EDN1: variants seen among roughly 807,000 people sequenced by gnomAD.
EDN1 encodes endothelin 1.
A neutral mutation model predicts 21.7 loss-of-function variants in EDN1; 11 were observed. That is an observed-to-expected ratio of 0.51 (90% CI 0.32 to 0.84). The LOEUF is 0.84. Ranked by LOEUF, EDN1 falls within the 40% of genes least tolerant of loss-of-function variation. The pLI, the probability that EDN1 is intolerant of heterozygous loss-of-function variation, is 0.03. For missense variants in EDN1, 244 were observed against 262.3 expected (o/e 0.93, Z 0.48); for synonymous variants, 85 against 90.6 (o/e 0.94, Z 0.35).
the EDN1 span, among the ~76,000 whole-genome samples, chr6:12,254,258 T>C: frequency 6.4e-4 from 97 of 152,320 alleles, no homozygotes; most frequent in African/African-American, 2.2e-3. Flanking sequence ...AGCCGCTTTC[T>C]CACCTTGAGG....
At chr6:12,291,230 GCCA>G (rs1158288992) in intron 1 of EDN1, among the ~76,000 whole-genome samples, 7 of 32,234 alleles carry the variant, frequency 2.2e-4, no homozygotes, top group Non-Finnish European at 2.7e-4. Context: ...CCCCCCCCCC[GCCA>G]CCACCCCCCG....
the EDN1 span, among the ~76,000 whole-genome samples, chr6:12,278,538 A>G: frequency 1.3e-5 from 2 of 152,172 alleles, no homozygotes; most frequent in East Asian, 1.9e-4. Context: ...ATTCTCATAT[A>G]TGCCACACAT....
At chr6:12,236,770 T>G in the EDN1 span, among the ~76,000 whole-genome samples, 1 of 148,948 alleles carries the variant, frequency 6.7e-6, no homozygotes, top group Admixed American at 6.7e-5. Flanking sequence ...CAATATTTCT[T>G]TTTTTTTTTT....
At position 12,295,965 on chromosome 6, in the gene EDN1, G is replaced by A. The variant is rs747564135; in HGVS notation, c.537G>A (p.Ser179=). ...TTCTCTTATCTTGCTTTATTAGGTC[G>A]GAGACCATGAGAAACAGCGTCAAAT... ...SSEEHLRQTR[S]ETMRNSVKSS... The change falls in exon 5 of 5, where the codon TCG becomes TCA. Residue 179 remains serine, a synonymous_variant. Coordinates refer to ENST00000379375, the MANE Select transcript of EDN1 (RefSeq NM_001955.5). 1.5e-5 allele frequency: 25 copies of A among 1,613,394 alleles called. No individual in the cohort carries two copies. Among genetic ancestry groups the A allele is most frequent in the East Asian group, 2.2e-5 (1 of 44,864 alleles).
chr6:12,260,695 C>T, the EDN1 span, among the ~76,000 whole-genome samples: 1 of 152,048 alleles, frequency 6.6e-6, no homozygotes, highest in Non-Finnish European at 1.5e-5. Flanking sequence ...CCCCCCTGTC[C>T]CTCTGGAGTT....
the EDN1 span, among the ~76,000 whole-genome samples, chr6:12,269,738 T>C: frequency 6.6e-6 from 1 of 152,086 alleles, no homozygotes; most frequent in Non-Finnish European, 1.5e-5. Flanking sequence ...TTTGCATCCA[T>C]GTTCATCAGG....
At chr6:12,294,454 G>A (rs1762771702) in intron 4 of EDN1, 50 bp downstream of exon 4, 11 of 1,608,634 alleles carry the variant, frequency 6.8e-6, no homozygotes, top group Non-Finnish European at 9.4e-6. Context: ...AGAACAACTA[G>A]CCCCAGTCAG....
the EDN1 span, among the ~76,000 whole-genome samples, chr6:12,278,828 C>T: frequency 3.9e-5 from 6 of 152,066 alleles, no homozygotes; most frequent in South Asian, 2.1e-4. Context: ...ACCCTGGAGG[C>T]GGAGGCTGCA....
the EDN1 span, among the ~76,000 whole-genome samples, chr6:12,268,619 G>C: frequency 6.6e-6 from 1 of 152,048 alleles, no homozygotes; most frequent in East Asian, 1.9e-4. Flanking sequence ...AAAATTAGTT[G>C]GCTGTAAATG....
At chr6:12,284,280 A>G in the EDN1 span, among the ~76,000 whole-genome samples, 1 of 152,172 alleles carries the variant, frequency 6.6e-6, no homozygotes, top group Non-Finnish European at 1.5e-5. Context: ...TCTGCCAAAG[A>G]CCTTTTATTA....
chr6:12,243,818 TATAAC>T, the EDN1 span, among the ~76,000 whole-genome samples: 94 of 152,350 alleles, frequency 6.2e-4, no homozygotes, highest in African/African-American at 2.0e-3. Flanking sequence ...TTCACTAACA[TATAAC>T]ATTCTGATTT....
chr6:12,238,431 G>C, the EDN1 span, among the ~76,000 whole-genome samples: 1 of 152,204 alleles, frequency 6.6e-6, no homozygotes, highest in Non-Finnish European at 1.5e-5. Context: ...CTGCAGAAGA[G>C]GGGGATATTA....
intron 3 of EDN1, 60 bp downstream of exon 3, chr6:12,294,156 C>G: frequency 1.9e-6 from 3 of 1,613,392 alleles, no homozygotes; most frequent in Non-Finnish European, 2.5e-6. Context: ...TCCTTCCTAT[C>G]ATGGTACTGC....
rs1762844511 is a variant in EDN1, at chr6:12,297,079, G to A, written c.*1012G>A. 1 of 152,038 alleles carries A rather than the reference G, an allele frequency of 6.6e-6. No individual in the cohort carries two copies. Among genetic ancestry groups the A allele is most frequent in the Non-Finnish European group, 1.5e-5 (1 of 68,014 alleles). 9.4% of individuals were successfully genotyped at this position (152,038 alleles called of 1,614,324 possible). On this transcript the variant is annotated 3_prime_UTR_variant, in exon 5 of 5. Transcript: ENST00000379375. ...CCATGTTAAATATCTGTTTGGGCAG[G>A]CCATATTGGTCTATGTATTTTTAAA...
At chr6:12,240,710 G>A in the EDN1 span, among the ~76,000 whole-genome samples, 2 of 152,158 alleles carry the variant, frequency 1.3e-5, no homozygotes, top group African/African-American at 4.8e-5. Context: ...AGGGTACACT[G>A]AGATACATGG....
intron 1 of EDN1, among the ~76,000 whole-genome samples, chr6:12,291,606 G>C (rs768856090): frequency 7.2e-5 from 11 of 152,240 alleles, no homozygotes; most frequent in Non-Finnish European, 4.4e-5. Flanking sequence ...AGGCAAGGCA[G>C]TAGTGGAGAA....
chr6:12,254,115 G>T, the EDN1 span, among the ~76,000 whole-genome samples: 1 of 151,960 alleles, frequency 6.6e-6, no homozygotes, highest in African/African-American at 2.4e-5. Context: ...AACACCTTTG[G>T]CATCCCATTG....
the EDN1 span, among the ~76,000 whole-genome samples, chr6:12,255,151 CA>C: frequency 6.6e-6 from 1 of 152,086 alleles, no homozygotes; most frequent in African/African-American, 2.4e-5. Flanking sequence ...AAATAAATAA[CA>C]AACACAAAAC....
intron 1 of EDN1, 145 bp downstream of exon 1, chr6:12,290,838 G>A (rs2747710): frequency 1.3e-6 from 1 of 755,238 alleles, no homozygotes. Flanking sequence ...ATTGCTGAAA[G>A]CTACTTTAAG....
Sources: allele counts gnomAD v4.1 joint callset (sites outside exome capture counted in the v4.1 genomes callset), GRCh38; gene constraint gnomAD v4.1.1; transcripts MANE v1.5; gene names NCBI Gene and HGNC (gene_info 2026-07-23, HGNC 2026-07-21).